Variants in HNRNPC observed in about 807,000 individuals in gnomAD.
HNRNPC encodes the protein heterogeneous nuclear ribonucleoproteins C1/C2.
In HNRNPC, 3 loss-of-function variants were observed where a neutral mutation model predicts 33.2. The observed-to-expected ratio is 0.09, with a 90% CI of 0.04 to 0.23. The LOEUF (loss-of-function observed/expected upper bound fraction) is 0.23. HNRNPC is among the 10% of genes least tolerant of loss of function. HNRNPC has a pLI of 1.00. For missense variants in HNRNPC, 143 were observed against 366.7 expected (o/e 0.39, Z 4.98); for synonymous variants, 121 against 126.7 (o/e 0.96, Z 0.30).
intron 5 of HNRNPC, among the ~76,000 whole-genome samples, chr14:21,220,212 C>T (rs1406309283): frequency 2.0e-5 from 3 of 150,986 alleles, no homozygotes; most frequent in African/African-American, 7.3e-5. Flanking sequence ...AACCCAACCC[C>T]TTTTCTCTGA....
chr14:21,234,808 T>G (rs1406121591), intron 2 of HNRNPC: 1 of 143,658 alleles, frequency 7.0e-6, no homozygotes, highest in East Asian at 2.1e-4. Flanking sequence ...ATAAATAGAA[T>G]CAATTCATTT....
chr14:21,213,219 G>A (rs186383462), intron 5 of HNRNPC, 102 bp from the exon 6 acceptor site: 117 of 1,201,510 alleles, frequency 9.7e-5, no homozygotes, highest in East Asian at 6.6e-4. Flanking sequence ...GTCTCTAGTC[G>A]TTTCCTTTTA....
chr14:21,225,573 G>GT (rs1406904685), intron 5 of HNRNPC, among the ~76,000 whole-genome samples: 1 of 152,088 alleles, frequency 6.6e-6, no homozygotes, highest in Non-Finnish European at 1.5e-5. Context: ...ATCCTCAGGC[G>GT]TAAGAGTTAC....
chr14:21,254,290 T>C (rs1876738279), intron 2 of HNRNPC, among the ~76,000 whole-genome samples: 1 of 152,132 alleles, frequency 6.6e-6, no homozygotes, highest in Non-Finnish European at 1.5e-5. Context: ...CATGTAGTAT[T>C]ATAGAGTATA....
Position 21,265,477 on chromosome 14 carries a change from T to A in HNRNPC, c.-62-2141A>T, listed in dbSNP as rs1472646429. On this transcript the variant is annotated intron_variant, in intron 1 of 8. Transcript: ENST00000553300. ...TTATGTTAAACTGAAGAGCTACCAC[T>A]CATAAAAAGACCAACTTTAGCACCA... is the stretch of plus-strand genomic sequence containing the variant. 2.0e-5 allele frequency: 3 copies of A among 152,148 alleles called. No homozygotes were observed. In the East Asian group the frequency reaches 5.8e-4, roughly 29 times the overall value. The allele number at this position is 152,148 out of a possible 1,614,324, so 9.4% of individuals were successfully genotyped here.
intron 5 of HNRNPC, among the ~76,000 whole-genome samples, chr14:21,218,562 C>T (rs1892463496): frequency 6.6e-6 from 1 of 151,282 alleles, no homozygotes; most frequent in Non-Finnish European, 1.5e-5. Flanking sequence ...GTGGCATGCA[C>T]CTGTAGTCCC....
intron 2 of HNRNPC, among the ~76,000 whole-genome samples, chr14:21,247,645 T>C (rs1486273165): frequency 6.6e-6 from 1 of 151,920 alleles, no homozygotes; most frequent in Non-Finnish European, 1.5e-5. Flanking sequence ...AAACTGAAAG[T>C]GGATACAAAA....
intron 5 of HNRNPC, among the ~76,000 whole-genome samples, chr14:21,215,905 A>G (rs1170323131): frequency 6.7e-6 from 1 of 149,920 alleles, no homozygotes; most frequent in Non-Finnish European, 1.5e-5. Flanking sequence ...TCTTAAAAAA[A>G]AAAAAAAGAA....
chr14:21,212,828 CCA>C (rs767730716), intron 6 of HNRNPC, 130 bp downstream of exon 6: 31 of 1,166,794 alleles, frequency 2.7e-5, no homozygotes, highest in Non-Finnish European at 3.6e-5. Flanking sequence ...CAGGCATGAG[CCA>C]CCACACACCC....
chr14:21,241,332 A>C (rs1895319155), intron 2 of HNRNPC, among the ~76,000 whole-genome samples: 1 of 151,982 alleles, frequency 6.6e-6, no homozygotes, highest in Non-Finnish European at 1.5e-5. Flanking sequence ...ATTCAAATTA[A>C]ATGCCAATTC....
chr14:21,213,023 G>C lies in HNRNPC; in HGVS notation c.460C>G (p.Arg154Gly). 6.2e-7 allele frequency: 1 copy of C among 1,613,944 alleles called. No homozygotes were observed. Among genetic ancestry groups the C allele is most frequent in the Non-Finnish European group, 8.5e-7 (1 of 1,179,860 alleles). ...GAATTGAAGCCACTTTTGCCCCTTC[G>C]TGAAGTGTTTCCTGATACACGCTGA... ...KRQRVSGNTS[R>G]RGKSGFNSKS... Residue 154 changes from arginine (R) to glycine (G), a missense_variant, in exon 6 of 9, where the codon CGA becomes GGA. Transcript: ENST00000553300.
chr14:21,213,187 T>G, intron 5 of HNRNPC, 70 bp from the exon 6 acceptor site: 1 of 1,438,376 alleles, frequency 7.0e-7, no homozygotes, highest in Middle Eastern at 1.8e-4. Flanking sequence ...ACAGACCTTA[T>G]GATAAATAGT....
chr14:21,240,290 T>C (rs921536401), intron 2 of HNRNPC, among the ~76,000 whole-genome samples: 5 of 152,212 alleles, frequency 3.3e-5, no homozygotes, highest in Non-Finnish European at 7.3e-5. Context: ...ATAGCCAAAC[T>C]GTAAATTTTA....
Position 21,234,214 on chromosome 14 carries a change from C to A in HNRNPC, c.-21G>T, listed in dbSNP as rs1421344671. On this transcript the variant is annotated 5_prime_UTR_variant, in exon 3 of 9. Transcript: ENST00000553300. ...GCCATCGTGTTTGATGGTAAGGTTT[C>A]TCACAAAGCCGAAAACTGTAAAGCA... 4 of 1,610,448 alleles carry A rather than the reference C, an allele frequency of 2.5e-6. No individual in the cohort carries two copies. The highest frequency in any genetic ancestry group is 1.3e-5 in the African/African-American group (1 of 74,800).
chr14:21,228,695 TTTTA>T (rs1893749328), intron 5 of HNRNPC, among the ~76,000 whole-genome samples: 1 of 151,998 alleles, frequency 6.6e-6, no homozygotes, highest in Non-Finnish European at 1.5e-5. Flanking sequence ...CCCAGCTGAT[TTTTA>T]TTTTTTAAGA....
chr14:21,256,868 G>A lies in HNRNPC; in HGVS notation c.-37+6443C>T, dbSNP rs531402866. Among the ~76,000 whole-genome samples, 14 of 152,094 alleles carry A rather than the reference G, an allele frequency of 9.2e-5. 1 individual carries two copies. The highest frequency in any genetic ancestry group is 5.8e-4 in the East Asian group (3 of 5,160). ...AGGGTTTCACCATGTTGCCCAGGCC[G>A]GTCTCAAACCCCTGAGCTCAAGCGA... On this transcript the variant is annotated intron_variant, in intron 2 of 8. Transcript: ENST00000553300.
At chr14:21,231,193 G>A in intron 3 of HNRNPC, 121 bp from the exon 4 acceptor site, 1 of 947,008 alleles carries the variant, frequency 1.1e-6, no homozygotes, top group Middle Eastern at 2.3e-4. Context: ...GGAGTGCAGT[G>A]GTGTCACCTT....
intron 1 of HNRNPC, chr14:21,264,673 G>A (rs1878691814): frequency 6.6e-6 from 1 of 152,134 alleles, no homozygotes; most frequent in Admixed American, 6.6e-5. Context: ...CAATGAACTA[G>A]CTGCACTCAC....
chr14:21,245,505 T>A (rs57801774), intron 2 of HNRNPC, among the ~76,000 whole-genome samples: 28,514 of 151,342 alleles, frequency 0.19, 3,163 homozygotes, highest in African/African-American at 0.29. Flanking sequence ...AAAAAAAATA[T>A]ATATATATTT....
Sources: allele counts gnomAD v4.1 joint callset (sites outside exome capture counted in the v4.1 genomes callset), GRCh38; gene constraint gnomAD v4.1.1; transcripts MANE v1.5; gene names NCBI Gene and HGNC (gene_info 2026-07-23, HGNC 2026-07-21).